Variants in KCTD10 observed in about 807,000 individuals in gnomAD.
The protein encoded by KCTD10 is potassium channel tetramerization domain containing 10.
KCTD10 carries 13 observed loss-of-function variants against 34.6 expected under a neutral mutation model. The observed-to-expected ratio is 0.38, with a 90% CI of 0.24 to 0.60. KCTD10 has a LOEUF of 0.60. Among genes scored for constraint, KCTD10 ranks in the 20% least tolerant of loss-of-function variants. The probability of loss-of-function intolerance (pLI) is 0.66; values close to 1 mark genes in which losing one functional copy is unlikely to be tolerated. For missense variants in KCTD10, 256 were observed against 420.3 expected, an observed-to-expected ratio of 0.61 and a Z score of 3.42; for synonymous variants, 156 against 168.8, an observed-to-expected ratio of 0.92 and a Z score of 0.59.
chr12:109,460,868 G>C lies in KCTD10; in HGVS notation c.218-63C>G. ...CTCCTCTTGTGGGAGGCCCTGAGCA[G>C]AGCTGGGGTGTCTCTCGGCTCCCTC... On this transcript the variant is annotated intron_variant, in intron 2 of 6. Transcript: ENST00000228495. The surrounding 1 kb of genome is among the most constrained non-coding windows in gnomAD (Gnocchi z 4.5). 6.6e-7 allele frequency: 1 copy of C among 1,524,152 alleles called. No individual in the cohort carries two copies. The highest frequency in any genetic ancestry group is 9.0e-7 in the Non-Finnish European group (1 of 1,111,340). 94.4% of individuals were successfully genotyped at this position (1,524,152 alleles called of 1,614,324 possible). A position where few individuals can be genotyped will look rare whatever the true frequency, so the allele number is the denominator to read the frequency against.
intron 2 of KCTD10, among the ~76,000 whole-genome samples, chr12:109,466,569 G>C (rs914517026): frequency 1.4e-5 from 2 of 143,498 alleles, no homozygotes; most frequent in African/African-American, 2.8e-5. Context: ...CCCAGGCCTG[G>C]CTAACATCAA....
rs991279035 is a variant in KCTD10, at chr12:109,451,506, G to A, written c.*89C>T. The A allele has an allele frequency of 1.0e-5, 13 of 1,277,118 alleles. No individual in the cohort carries two copies. The African/African-American group carries it at 1.5e-4, about 15-fold the overall frequency. The allele number at this position is 1,277,118 out of a possible 1,614,324, so 79.1% of individuals were successfully genotyped here. ...GTATCTCCAGGCTCCAAGGGAAGCAGAAGGGGCCCGGCAGCCTGCACAGGA... is the reference window on the plus strand; with the variant it reads ...GTATCTCCAGGCTCCAAGGGAAGCAAAAGGGGCCCGGCAGCCTGCACAGGA... On this transcript the variant is annotated 3_prime_UTR_variant, in exon 7 of 7. Coordinates refer to ENST00000228495, the MANE Select transcript of KCTD10 (RefSeq NM_031954.5). This position sits in a 1 kb window ranked among gnomAD's most constrained non-coding sequence, Gnocchi z 5.0.
At chr12:109,464,492 T>C (rs1362709727) in intron 2 of KCTD10, among the ~76,000 whole-genome samples, 1 of 152,102 alleles carries the variant, frequency 6.6e-6, no homozygotes, top group Non-Finnish European at 1.5e-5. Flanking sequence ...CTGAGGTAGA[T>C]CAAGGATGTA....
Position 109,470,581 on chromosome 12 carries a change from G to A in KCTD10, c.4-853C>T, listed in dbSNP as rs115428239. ...TGTAGAGGTGGAGATGTGCAAGGGTGGGCAGAATCTTTGCTGAATCTGGGG... is the reference window on the plus strand; with the variant it reads ...TGTAGAGGTGGAGATGTGCAAGGGTAGGCAGAATCTTTGCTGAATCTGGGG... On this transcript the variant is annotated intron_variant, in intron 1 of 6. Transcript: ENST00000228495. 5.0e-4 allele frequency: 493 copies of A among 985,416 alleles called. 2 individuals are homozygous for A. In the African/African-American group the frequency reaches 7.6e-3, roughly 15 times the overall value. 61.0% of individuals were successfully genotyped at this position (985,416 alleles called of 1,614,324 possible).
At chr12:109,459,414 T>A (rs929590637) in intron 3 of KCTD10, 1 of 152,160 alleles carries the variant, frequency 6.6e-6, no homozygotes, top group Non-Finnish European at 1.5e-5. Context: ...CACACCACTA[T>A]GAGACCGCTG....
At chr12:109,470,200 C>T (rs1873818041) in intron 1 of KCTD10, 1 of 987,448 alleles carries the variant, frequency 1.0e-6, no homozygotes, top group Admixed American at 6.1e-5. Flanking sequence ...CCATGTACCA[C>T]TCAATAGCTA....
In KCTD10 at chr12:109,469,565, A is replaced by G; in HGVS notation, c.167T>C (p.Met56Thr). The G allele has an allele frequency of 6.2e-7, 1 of 1,614,220 alleles. No homozygotes were observed. The highest frequency in any genetic ancestry group is 8.5e-7 in the Non-Finnish European group (1 of 1,180,044). Reference sequence around the variant, plus strand: ...GCGCCCGCTGAACATGGCCTTCAGCATGGTGTCCTGCTTGGTCAGCGTCTG... The same window carrying G: ...GCGCCCGCTGAACATGGCCTTCAGCGTGGTGTCCTGCTTGGTCAGCGTCTG... ...TMQTLTKQDT[M>T]LKAMFSGRME... is the part of the protein sequence containing the mutation. Residue 56 changes from methionine (M) to threonine (T), a missense_variant, in exon 2 of 7, where the codon ATG becomes ACG. Transcript: ENST00000228495.
intron 1 of KCTD10, chr12:109,471,203 C>G: frequency 1.0e-6 from 1 of 985,344 alleles, no homozygotes; most frequent in Non-Finnish European, 1.2e-6. Context: ...TGGTAAAACA[C>G]AAACGTTATT....
chr12:109,461,906 G>A (rs1873348043), intron 2 of KCTD10, among the ~76,000 whole-genome samples: 1 of 152,304 alleles, frequency 6.6e-6, no homozygotes, highest in South Asian at 2.1e-4. Context: ...GTAGGAATCG[G>A]TCACTTTATG....
At chr12:109,468,462 C>A (rs1873700228) in intron 2 of KCTD10, among the ~76,000 whole-genome samples, 1 of 152,126 alleles carries the variant, frequency 6.6e-6, no homozygotes, top group Non-Finnish European at 1.5e-5. Flanking sequence ...CAAGGTCAAG[C>A]CAGGCTGTGC....
rs368927124 is a variant in KCTD10, at chr12:109,470,001, T to TG, written c.4-274_4-273insC. The TG allele has an allele frequency of 6.9e-5, 85 of 1,229,754 alleles. No homozygotes were observed. The Middle Eastern group carries it at 1.3e-3, about 18-fold the overall frequency. The allele number at this position is 1,229,754 out of a possible 1,614,324, so 76.2% of individuals were successfully genotyped here. Reference sequence around the variant, plus strand: ...CTAGAGAGGGCCATGCATCCCCTAGTTTGTCCCAAAACCCACCCAAAAAGC... The same window carrying TG: ...CTAGAGAGGGCCATGCATCCCCTAGTGTTGTCCCAAAACCCACCCAAAAAGC... On this transcript the variant is annotated intron_variant, in intron 1 of 6. Transcript: ENST00000228495.
chr12:109,476,286 G>C (rs575415880), intron 1 of KCTD10, among the ~76,000 whole-genome samples: 1 of 152,216 alleles, frequency 6.6e-6, no homozygotes, highest in Non-Finnish European at 1.5e-5. Context: ...GCACAAAATG[G>C]AGCGGACTAG....
intron 1 of KCTD10, among the ~76,000 whole-genome samples, chr12:109,476,279 C>A (rs1048234902): frequency 6.6e-6 from 1 of 152,188 alleles, no homozygotes; most frequent in East Asian, 1.9e-4. Context: ...TTATTTTGCA[C>A]AAAATGGAGC....
At position 109,449,279 on chromosome 12, in the gene KCTD10, GT is replaced by G. The variant is rs1410696518; in HGVS notation, c.*2315del. On this transcript the variant is annotated 3_prime_UTR_variant, in exon 7 of 7. Transcript: ENST00000228495. ...CCGACAGAATTGTTCACCATGGAATGTTTTATAAACCTGTTCATATTCCAGA... is the reference window on the plus strand; with the variant it reads ...CCGACAGAATTGTTCACCATGGAATGTTTATAAACCTGTTCATATTCCAGA... 6.6e-6 allele frequency: 1 copy of G among 152,208 alleles called. No homozygotes were observed. Among genetic ancestry groups the G allele is most frequent in the Non-Finnish European group, 1.5e-5 (1 of 68,038 alleles). 9.4% of individuals were successfully genotyped at this position (152,208 alleles called of 1,614,324 possible). A position where few individuals can be genotyped will look rare whatever the true frequency, so the allele number is the denominator to read the frequency against.
Position 109,451,476 on chromosome 12 carries a change from C to G in KCTD10, c.*119G>C, listed in dbSNP as rs1373613496. ...ACCAAAATAATCATCTGGCTTGTTACAAAAGTATCTCCAGGCTCCAAGGGA... is the reference window on the plus strand; with the variant it reads ...ACCAAAATAATCATCTGGCTTGTTAGAAAAGTATCTCCAGGCTCCAAGGGA... On this transcript the variant is annotated 3_prime_UTR_variant, in exon 7 of 7. Transcript: ENST00000228495. The surrounding 1 kb of genome is among the most constrained non-coding windows in gnomAD (Gnocchi z 5.0). 2 of 967,104 alleles carry G rather than the reference C, an allele frequency of 2.1e-6. No individual in the cohort carries two copies. The highest frequency in any genetic ancestry group is 1.5e-6 in the Non-Finnish European group (1 of 658,006). The allele number at this position is 967,104 out of a possible 1,614,324, so 59.9% of individuals were successfully genotyped here.
At chr12:109,458,122 C>A in intron 3 of KCTD10, 44 bp from the exon 4 acceptor site, 1 of 1,518,438 alleles carries the variant, frequency 6.6e-7, no homozygotes, top group Non-Finnish European at 9.1e-7. Context: ...GCCTGCCTAG[C>A]ACTGCATTTT....
chr12:109,462,222 C>G (rs1162262362), intron 2 of KCTD10, among the ~76,000 whole-genome samples: 1 of 152,232 alleles, frequency 6.6e-6, no homozygotes, highest in Non-Finnish European at 1.5e-5. Context: ...GCATGAATTG[C>G]CAGGAAAGTT....
Position 109,451,546 on chromosome 12 carries a change from G to C in KCTD10, c.*49C>G. On this transcript the variant is annotated 3_prime_UTR_variant, in exon 7 of 7. Transcript: ENST00000228495. This position sits in a 1 kb window ranked among gnomAD's most constrained non-coding sequence, Gnocchi z 5.0. ...CCTGCACAGGATCTGGGTGTAGCAC[G>C]GCAGGGAGTGGGGGCGGTGAGAGGA... 6.5e-7 allele frequency: 1 copy of C among 1,539,894 alleles called. No homozygotes were observed. The highest frequency in any genetic ancestry group is 8.8e-7 in the Non-Finnish European group (1 of 1,132,634).
intron 1 of KCTD10, among the ~76,000 whole-genome samples, chr12:109,473,576 A>C (rs1873998234): frequency 6.6e-6 from 1 of 152,188 alleles, no homozygotes; most frequent in African/African-American, 2.4e-5. Context: ...AGGCAACAAA[A>C]GCTCTAAACC....
Sources: allele counts gnomAD v4.1 joint callset (sites outside exome capture counted in the v4.1 genomes callset), GRCh38; gene constraint gnomAD v4.1.1; non-coding constraint Gnocchi (gnomAD v3.1); transcripts MANE v1.5; gene names NCBI Gene and HGNC (gene_info 2026-07-23, HGNC 2026-07-21).